ENOX2: variants seen among roughly 807,000 people sequenced by gnomAD.
The protein encoded by ENOX2 is ecto-NOX disulfide-thiol exchanger 2, also known as APK1 antigen.
A neutral mutation model predicts 45.0 loss-of-function variants in ENOX2; 36 were observed. That is an observed-to-expected ratio of 0.80 (90% CI 0.61 to 1.06). The LOEUF (loss-of-function observed/expected upper bound fraction) is 1.06. Among genes scored for constraint, ENOX2 ranks in the 50% least tolerant of loss-of-function variants. The pLI is 0.00. For missense variants in ENOX2, 423 were observed against 462.5 expected, an observed-to-expected ratio of 0.91 and a Z score of 0.78; for synonymous variants, 174 against 152.3, an observed-to-expected ratio of 1.14 and a Z score of -1.05.
intron 2 of ENOX2, among the ~76,000 whole-genome samples, chrX:130,898,993 C>T (rs779885953): frequency 9.0e-6 from 1 of 110,767 alleles, no homozygotes; most frequent in South Asian, 3.9e-4. Context: ...ATGTCAAGGA[C>T]GGAGTGTACT....
chrX:130,892,658 A>G (rs1055718562), intron 2 of ENOX2, among the ~76,000 whole-genome samples: 3 of 112,882 alleles, frequency 2.7e-5, no homozygotes, highest in African/African-American at 9.7e-5. Flanking sequence ...TAGGTGAAAT[A>G]GAAAGTCATC....
chrX:130,865,008 C>T (rs1383694032), intron 2 of ENOX2, among the ~76,000 whole-genome samples: 1 of 103,820 alleles, frequency 9.6e-6, no homozygotes, highest in Non-Finnish European at 2.0e-5. Context: ...CAAGACTCTG[C>T]CTTGAAAAAC....
At chrX:130,716,370 C>A (rs1474112921) in intron 3 of ENOX2, among the ~76,000 whole-genome samples, 1 of 111,796 alleles carries the variant, frequency 8.9e-6, no homozygotes, top group East Asian at 2.8e-4. Context: ...GTACATACCC[C>A]CAACCTATCA....
intron 3 of ENOX2, among the ~76,000 whole-genome samples, chrX:130,781,143 T>A (rs1024523967): frequency 2.7e-5 from 3 of 112,161 alleles, no homozygotes; most frequent in African/African-American, 9.7e-5. Flanking sequence ...GTATAAATTA[T>A]ACAATTATAA....
chrX:130,760,096 G>A, intron 3 of ENOX2, among the ~76,000 whole-genome samples: 1 of 111,518 alleles, frequency 9.0e-6, no homozygotes, highest in South Asian at 3.8e-4. Flanking sequence ...GAATTTCAGT[G>A]TCCGTGTGTT....
chrX:130,638,462 ACACACACACG>A (rs1247428204), intron 10 of ENOX2, among the ~76,000 whole-genome samples: 22 of 110,223 alleles, frequency 2.0e-4, no homozygotes, highest in African/African-American at 7.3e-4. Context: ...ACACACACAC[ACACACACACG>A]AATATAGCAT....
At chrX:130,723,828 ACT>A (rs756546485) in intron 3 of ENOX2, among the ~76,000 whole-genome samples, 2 of 111,255 alleles carry the variant, frequency 1.8e-5, no homozygotes, top group African/African-American at 6.5e-5. Flanking sequence ...CACTAATGTG[ACT>A]CTCTAAATGC....
intron 3 of ENOX2, among the ~76,000 whole-genome samples, chrX:130,710,924 TAGC>T (rs2038173351): frequency 8.9e-6 from 1 of 111,979 alleles, no homozygotes; most frequent in African/African-American, 3.2e-5. Flanking sequence ...GTCCTGGAAA[TAGC>T]AGTAGGCACA....
At chrX:130,645,830 G>C in intron 10 of ENOX2, 1 of 721,470 alleles carries the variant, frequency 1.4e-6, no homozygotes, top group Non-Finnish European at 2.2e-6. Context: ...CCACCTCCAG[G>C]CAGGAGGAGA....
chrX:130,645,970 A>G, intron 10 of ENOX2: 1 of 679,510 alleles, frequency 1.5e-6, no homozygotes, highest in Non-Finnish European at 2.4e-6. Flanking sequence ...CAAGGGAAAC[A>G]CCTCATCACG....
At chrX:130,694,766 C>T (rs964678388) in intron 4 of ENOX2, among the ~76,000 whole-genome samples, 4 of 109,373 alleles carry the variant, frequency 3.7e-5, no homozygotes, top group African/African-American at 6.7e-5. Context: ...ATATGCCCAG[C>T]TAATTTTTGT....
intron 3 of ENOX2, among the ~76,000 whole-genome samples, chrX:130,773,860 T>C (rs1033788013): frequency 8.9e-6 from 1 of 112,289 alleles, no homozygotes; most frequent in Non-Finnish European, 1.9e-5. Context: ...TTAAATTGAA[T>C]AGCTCACATT....
At chrX:130,865,092 A>G (rs941947741) in intron 2 of ENOX2, among the ~76,000 whole-genome samples, 7 of 108,395 alleles carry the variant, frequency 6.5e-5, no homozygotes, top group Non-Finnish European at 9.5e-5. Context: ...TTCTGAAAAA[A>G]CTTGCAACTA....
intron 4 of ENOX2, among the ~76,000 whole-genome samples, chrX:130,695,226 C>T (rs2037725362): frequency 8.9e-6 from 1 of 111,842 alleles, no homozygotes; most frequent in East Asian, 2.8e-4. Flanking sequence ...TTGCTTATCT[C>T]TAAACCCAGA....
chrX:130,740,663 A>G (rs1394038881), intron 3 of ENOX2, among the ~76,000 whole-genome samples: 5 of 111,897 alleles, frequency 4.5e-5, no homozygotes, highest in Non-Finnish European at 5.6e-5. Flanking sequence ...GCAGGCATAC[A>G]TGAGGTTGCA....
intron 3 of ENOX2, among the ~76,000 whole-genome samples, chrX:130,727,064 G>A (rs2038623928): frequency 8.9e-6 from 1 of 112,338 alleles, no homozygotes; most frequent in South Asian, 3.7e-4. Flanking sequence ...ACAGGAATAA[G>A]ACAGTAAGTA....
intron 3 of ENOX2, among the ~76,000 whole-genome samples, chrX:130,706,418 T>A (rs960734260): frequency 7.2e-5 from 8 of 111,224 alleles, no homozygotes; most frequent in Non-Finnish European, 1.5e-4. Context: ...TTGAAGTAAG[T>A]CTTTAAGGAG....
At chrX:130,872,067 TG>T (rs2078604522) in intron 2 of ENOX2, among the ~76,000 whole-genome samples, 1 of 112,111 alleles carries the variant, frequency 8.9e-6, no homozygotes, top group Admixed American at 9.4e-5. Flanking sequence ...GCAGGATCAC[TG>T]GGGGTAGCAA....
chrX:130,679,834 T>C (rs927228538), intron 5 of ENOX2, 86 bp from the exon 6 acceptor site: 6 of 742,829 alleles, frequency 8.1e-6, no homozygotes, highest in African/African-American at 2.1e-5. Context: ...CTGCTATCCC[T>C]GTCAAACTTT....
Sources: gnomAD v4.1 joint callset for allele counts (sites outside exome capture counted in the v4.1 genomes callset) on GRCh38, gnomAD v4.1.1 for gene constraint, MANE v1.5 for transcripts, NCBI Gene and HGNC (gene_info 2026-07-23, HGNC 2026-07-21) for gene names.